The following NELFA variants were observed in gnomAD, a reference collection of about 807,000 sequenced individuals.
NELFA encodes the protein negative elongation factor A.
NELFA carries 35 observed loss-of-function variants against 51.8 expected under a neutral mutation model. The observed-to-expected ratio is 0.68, with a 90% CI of 0.52 to 0.90. The LOEUF (loss-of-function observed/expected upper bound fraction) is 0.90. NELFA is among the 40% of genes least tolerant of loss of function. The probability of loss-of-function intolerance (pLI) is 0.00; values close to 1 mark genes in which losing one functional copy is unlikely to be tolerated. For synonymous variants in NELFA, 417 were observed against 338.4 expected (o/e 1.23, Z -2.55); for missense variants, 658 against 746.4 (o/e 0.88, Z 1.38).
intron 1 of NELFA, among the ~76,000 whole-genome samples, chr4:1,994,918 T>C (rs1728381903): frequency 6.6e-6 from 1 of 152,182 alleles, no homozygotes; most frequent in Non-Finnish European, 1.5e-5. Context: ...TAGAATTTCA[T>C]TCAGAAACAC....
chr4:1,984,864 G>C lies in NELFA; in HGVS notation c.980C>G (p.Ser327Cys), dbSNP rs936249774. The change falls in exon 8 of 11, where the codon TCC becomes TGC. Residue 327 changes from serine (S) to cysteine (C), a missense_variant. Physicochemically the swap from Ser to Cys is moderately radical, Grantham distance 112. This residue lies in a region of NELFA where 200 missense variants were observed against 167.9 expected (regional missense o/e 1.19). Transcript: ENST00000382882. Reference sequence around the variant, plus strand: ...GGAGGCGGGAACCACGCTGGGCGTGGAGGGAAGGTAGCTCGTGGAGGGCAG... The same window carrying C: ...GGAGGCGGGAACCACGCTGGGCGTGCAGGGAAGGTAGCTCGTGGAGGGCAG... ...PALPSTSYLP[S>C]TPSVVPASSY... The C allele has an allele frequency of 1.3e-6, 2 of 1,581,540 alleles. No individual in the cohort carries two copies. The highest frequency in any genetic ancestry group is 1.7e-6 in the Non-Finnish European group (2 of 1,163,104).
chr4:1,986,270 A>C lies in NELFA; in HGVS notation c.765+2T>G, dbSNP rs377602638. The C allele has an allele frequency of 1.3e-6, 2 of 1,577,306 alleles. No individual in the cohort carries two copies. Among genetic ancestry groups the C allele is most frequent in the Non-Finnish European group, 1.7e-6 (2 of 1,161,464 alleles). On this transcript the variant is annotated splice_donor_variant, in intron 5 of 10. Coordinates refer to ENST00000382882, the MANE Select transcript of NELFA (RefSeq NM_005663.5). LOFTEE classifies it high-confidence loss of function. ...GCCACAGGAGCTGGGGGACGGGCCT[A>C]CCTTCACACCTCGTTCCTTCCGCAG...
intron 4 of NELFA, 185 bp downstream of exon 4, chr4:1,987,733 G>A (rs1358385808): frequency 1.7e-6 from 1 of 581,608 alleles, no homozygotes; most frequent in African/African-American, 1.9e-5. Context: ...CATCCTCCCA[G>A]GGAGCTCCCC....
rs1273895690 is a variant in NELFA, at chr4:2,008,738, C to T, written c.210+12G>A. 1 of 1,596,044 alleles carries T rather than the reference C, an allele frequency of 6.3e-7. No individual in the cohort carries two copies. Among genetic ancestry groups the T allele is most frequent in the Admixed American group, 1.7e-5 (1 of 57,876 alleles). On this transcript the variant is annotated intron_variant, in intron 1 of 10. Transcript: ENST00000382882. The stretch of plus-strand genomic sequence containing the variant: ...GGAATCTGGGGGCCGCGGGGCGCCA[C>T]GCCTGCCTTACCTCGTCCACCGTGC...
intron 1 of NELFA, chr4:2,008,098 AGCCCAGGCC>A (rs1728759422): frequency 4.4e-6 from 2 of 451,684 alleles, no homozygotes; most frequent in South Asian, 3.1e-5. Context: ...GGAGCTACCG[AGCCCAGGCC>A]GCCCCTTCCT....
In NELFA at chr4:2,000,416, A is replaced by C. The variant is rs550727230; in HGVS notation, c.210+8334T>G. ...TGCTAGCTAGACTAATAAAGAAGAG[A>C]GAGAAGAATCAAATAGACACCAAAT... On this transcript the variant is annotated intron_variant, in intron 1 of 10. Coordinates refer to ENST00000382882, the MANE Select transcript of NELFA (RefSeq NM_005663.5). 1.4e-4 allele frequency among the ~76,000 whole-genome samples: 22 copies of C among 152,252 alleles called. No individual in the cohort carries two copies. In the South Asian group the frequency reaches 4.4e-3, roughly 30 times the overall value.
At chr4:1,988,384 T>C (rs983478714) in intron 3 of NELFA, among the ~76,000 whole-genome samples, 1 of 152,230 alleles carries the variant, frequency 6.6e-6, no homozygotes, top group African/African-American at 2.4e-5. Flanking sequence ...TACAAAAATA[T>C]GAGGAAGAAA....
Position 1,983,887 on chromosome 4 carries a change from G to T in NELFA, c.1263C>A (p.Ala421=). Residue 421 remains alanine (A), a synonymous_variant, in exon 9 of 11, where the codon GCC becomes GCA. Coordinates refer to ENST00000382882, the MANE Select transcript of NELFA (RefSeq NM_005663.5). ...TCTTCTTAGGCTGCTGCTGAGCAGGGGCCTGGGTCTGCGGGGCCACCATGG... is the reference window on the plus strand; with the variant it reads ...TCTTCTTAGGCTGCTGCTGAGCAGGTGCCTGGGTCTGCGGGGCCACCATGG... ...PVAMVAPQTQ[A]PAQQQPKKNL... 6.3e-7 allele frequency: 1 copy of T among 1,595,568 alleles called. No individual in the cohort carries two copies. The highest frequency in any genetic ancestry group is 1.1e-5 in the South Asian group (1 of 87,896).
rs530276442 is a variant in NELFA at position 2,000,838 on chromosome 4, AC to A, written c.210+7911del. Among the ~76,000 whole-genome samples, 27 of 152,262 alleles carry A rather than the reference AC, an allele frequency of 1.8e-4. No individual in the cohort carries two copies. The South Asian group carries it at 3.9e-3, about 22-fold the overall frequency. ...CTGATACCAAAACTGGGAAGAGACAACAAAAAAGAAAACTTCAGGCCAACAT... is the reference window on the plus strand; with the variant it reads ...CTGATACCAAAACTGGGAAGAGACAAAAAAAAGAAAACTTCAGGCCAACAT... On this transcript the variant is annotated intron_variant, in intron 1 of 10. Coordinates refer to ENST00000382882, the MANE Select transcript of NELFA (RefSeq NM_005663.5).
intron 1 of NELFA, among the ~76,000 whole-genome samples, chr4:2,004,576 C>A (rs1728660882): frequency 6.6e-6 from 1 of 151,874 alleles, no homozygotes; most frequent in Non-Finnish European, 1.5e-5. Flanking sequence ...CATCCTCAAC[C>A]TCCCAGGCTC....
chr4:1,997,823 C>G (rs1728472261), intron 1 of NELFA, among the ~76,000 whole-genome samples: 1 of 152,222 alleles, frequency 6.6e-6, no homozygotes, highest in African/African-American at 2.4e-5. Context: ...TGTCACCCAA[C>G]TAGGTGAGAC....
At chr4:1,985,590 A>G (rs113734965) in intron 7 of NELFA, among the ~76,000 whole-genome samples, 186 bp downstream of exon 7, 4,160 of 152,302 alleles carry the variant, frequency 0.027, 191 homozygotes, top group African/African-American at 0.096. Flanking sequence ...CCTGAGTCAG[A>G]TGCCCATGTC....
At chr4:1,993,244 G>T (rs1728328431) in intron 1 of NELFA, among the ~76,000 whole-genome samples, 1 of 152,236 alleles carries the variant, frequency 6.6e-6, no homozygotes, top group Non-Finnish European at 1.5e-5. Flanking sequence ...TCCAGAACGC[G>T]CATGTTGAAG....
intron 1 of NELFA, among the ~76,000 whole-genome samples, chr4:2,002,074 C>A (rs1301533625): frequency 6.6e-6 from 1 of 151,730 alleles, no homozygotes; most frequent in African/African-American, 2.4e-5. Context: ...GTGGCGGGCG[C>A]CTGTAGTCCC....
At chr4:1,999,579 G>A (rs1037473252) in intron 1 of NELFA, among the ~76,000 whole-genome samples, 30 of 152,046 alleles carry the variant, frequency 2.0e-4, no homozygotes, top group African/African-American at 6.0e-4. Context: ...GGAACAATTC[G>A]ACAAGAGCTA....
At chr4:1,990,698 G>A (rs1728246354) in intron 2 of NELFA, among the ~76,000 whole-genome samples, 1 of 152,240 alleles carries the variant, frequency 6.6e-6, no homozygotes, top group Admixed American at 6.5e-5. Flanking sequence ...CACAACGTTT[G>A]GGCTCTGAGG....
intron 7 of NELFA, among the ~76,000 whole-genome samples, 174 bp from the exon 8 acceptor site, chr4:1,985,093 TGGCGCCC>T (rs770612468): frequency 1.1e-3 from 172 of 152,216 alleles, no homozygotes; most frequent in Admixed American, 2.7e-3. Flanking sequence ...CCCTGGCCCC[TGGCGCCC>T]CAGCAGAGTT....
chr4:1,988,096 GACGGCC>G (rs2109057217), intron 3 of NELFA, 89 bp from the exon 4 acceptor site: 2 of 1,152,792 alleles, frequency 1.7e-6, no homozygotes, highest in South Asian at 2.8e-5. Context: ...GGATTCATCC[GACGGCC>G]TGAGCCGTGA....
intron 1 of NELFA, among the ~76,000 whole-genome samples, chr4:2,004,469 A>G (rs188378806): frequency 5.6e-4 from 85 of 152,240 alleles, no homozygotes; most frequent in Admixed American, 1.4e-3. Context: ...TACCTGGCAT[A>G]ATTATATGGT....
Sources: allele counts gnomAD v4.1 joint callset (sites outside exome capture counted in the v4.1 genomes callset), GRCh38; gene constraint gnomAD v4.1.1; regional missense constraint gnomAD v4.1.1; transcripts MANE v1.5; gene names NCBI Gene and HGNC (gene_info 2026-07-23, HGNC 2026-07-21).